PPP2R2C: variants seen among roughly 807,000 people sequenced by gnomAD.
PPP2R2C encodes the protein protein phosphatase 2 regulatory subunit Bgamma.
A neutral mutation model predicts 45.3 loss-of-function variants in PPP2R2C; 10 were observed. The observed-to-expected ratio is 0.22, with a 90% CI of 0.14 to 0.37. PPP2R2C has a LOEUF of 0.37. Ranked by LOEUF, PPP2R2C falls within the 10% of genes least tolerant of loss-of-function variation. PPP2R2C has a pLI of 1.00. For synonymous variants in PPP2R2C, 257 were observed against 245.4 expected, an observed-to-expected ratio of 1.05 and a Z score of -0.44; for missense variants, 308 against 619.7, an observed-to-expected ratio of 0.50 and a Z score of 5.34.
chr4:6,377,670 A>G (rs557738872), intron 3 of PPP2R2C, among the ~76,000 whole-genome samples: 1 of 151,820 alleles, frequency 6.6e-6, no homozygotes, highest in South Asian at 2.1e-4. Flanking sequence ...TCAAAAAAAG[A>G]AAAAAAAGAA....
rs550901970 is a variant in PPP2R2C, at chr4:6,431,439, C to T, written c.70+40721G>A. 8.8e-4 allele frequency among the ~76,000 whole-genome samples: 134 copies of T among 152,342 alleles called. 1 individual carries two copies. Among genetic ancestry groups the T allele is most frequent in the African/African-American group, 3.0e-3 (126 of 41,592 alleles). On this transcript the variant is annotated intron_variant, in intron 1 of 8. Coordinates refer to ENST00000382599, the MANE Select transcript of PPP2R2C (RefSeq NM_020416.4). ...AGGACCCTCCTTGGAGAAAGCTGCTCAGGCTGAGACTACGGTCCCCAGAAG... is the reference window on the plus strand; with the variant it reads ...AGGACCCTCCTTGGAGAAAGCTGCTTAGGCTGAGACTACGGTCCCCAGAAG...
chr4:6,552,658 C>T (rs1467072189), intron 1 of PPP2R2C, among the ~76,000 whole-genome samples: 1 of 152,148 alleles, frequency 6.6e-6, no homozygotes, highest in African/African-American at 2.4e-5. Flanking sequence ...TCCAGGTCAA[C>T]CTCCCCAACT....
Position 6,472,209 on chromosome 4 carries a change from C to G in PPP2R2C, c.21G>C (p.Thr7=), listed in dbSNP as rs980430254. The change falls in exon 1 of 9, where the codon ACG becomes ACC. Residue 7 remains threonine, a synonymous_variant. Coordinates refer to ENST00000382599, the MANE Select transcript of PPP2R2C (RefSeq NM_020416.4). MGEDTD[T]RKINHSFLRD... Reference sequence around the variant, plus strand: ...GCAGGAAGCTGTGGTTAATTTTCCGCGTGTCCGTGTCCTCGCCCATTGAAG... The same window carrying G: ...GCAGGAAGCTGTGGTTAATTTTCCGGGTGTCCGTGTCCTCGCCCATTGAAG... 2 of 1,613,234 alleles carry G rather than the reference C, an allele frequency of 1.2e-6. No individual in the cohort carries two copies. The highest frequency in any genetic ancestry group is 1.7e-6 in the Non-Finnish European group (2 of 1,179,378).
At chr4:6,453,589 G>A (rs993653650) in intron 1 of PPP2R2C, among the ~76,000 whole-genome samples, 9 of 151,886 alleles carry the variant, frequency 5.9e-5, no homozygotes, top group African/African-American at 1.2e-4. Flanking sequence ...GCACCAGTGC[G>A]GGCACGTGGT....
At chr4:6,480,297 T>C (rs888797928) in intron 2 of PPP2R2C, among the ~76,000 whole-genome samples, 3 of 152,214 alleles carry the variant, frequency 2.0e-5, no homozygotes, top group African/African-American at 7.2e-5. Context: ...AGTTTCTTCA[T>C]TGATCTTGCA....
upstream of PPP2R2C, among the ~76,000 whole-genome samples, chr4:6,475,455 G>T (rs1356142255): frequency 2.0e-5 from 3 of 152,044 alleles, no homozygotes; most frequent in African/African-American, 7.2e-5. Flanking sequence ...TGCCAAAAGG[G>T]TACAGCTACA....
At chr4:6,390,327 G>T (rs1716521479) in intron 1 of PPP2R2C, among the ~76,000 whole-genome samples, 2 of 152,160 alleles carry the variant, frequency 1.3e-5, no homozygotes. Context: ...GACTCTGCAG[G>T]AGACAGCTCT....
At chr4:6,518,487 A>C (rs1560598793) in intron 2 of PPP2R2C, among the ~76,000 whole-genome samples, 1 of 152,252 alleles carries the variant, frequency 6.6e-6, no homozygotes, top group Non-Finnish European at 1.5e-5. Context: ...TGCCATGGAC[A>C]TTCAAAGGAT....
chr4:6,496,755 GGAGGCT>G (rs1364924412), intron 2 of PPP2R2C, among the ~76,000 whole-genome samples: 50 of 152,142 alleles, frequency 3.3e-4, no homozygotes, highest in African/African-American at 1.2e-3. Context: ...CAGCTACTTG[GGAGGCT>G]GAGGCATGAG....
chr4:6,361,943 C>T (rs982301414), intron 5 of PPP2R2C, among the ~76,000 whole-genome samples: 4 of 152,068 alleles, frequency 2.6e-5, no homozygotes, highest in Admixed American at 1.3e-4. Flanking sequence ...TGAGATGGTG[C>T]AGAGTCAGGG....
At chr4:6,516,391 C>T (rs2108809936) in intron 2 of PPP2R2C, among the ~76,000 whole-genome samples, 1 of 152,364 alleles carries the variant, frequency 6.6e-6, no homozygotes, top group South Asian at 2.1e-4. Context: ...CGCAGTGCTG[C>T]TTTGCAAGGT....
chr4:6,394,599 G>A (rs1167140117), intron 1 of PPP2R2C, among the ~76,000 whole-genome samples: 1 of 152,236 alleles, frequency 6.6e-6, no homozygotes, highest in Non-Finnish European at 1.5e-5. Context: ...AGTCACCCCT[G>A]CCGCAGGGCT....
In PPP2R2C at chr4:6,405,921, T is replaced by A. The variant is rs1007431837; in HGVS notation, c.71-24827A>T. 4.0e-4 allele frequency among the ~76,000 whole-genome samples: 61 copies of A among 152,210 alleles called. 3 individuals are homozygous for A. On this transcript the variant is annotated intron_variant, in intron 1 of 8. Transcript: ENST00000382599. ...CTTATGGATTTGGCATTTGGCTCGA[T>A]ACTTTGTTTTGTTTCCTGGCAGCAG...
At chr4:6,509,952 A>G (rs1723373185) in intron 2 of PPP2R2C, among the ~76,000 whole-genome samples, 1 of 152,148 alleles carries the variant, frequency 6.6e-6, no homozygotes, top group African/African-American at 2.4e-5. Context: ...CTGATTTGTT[A>G]TTCTTGTCTA....
At chr4:6,502,073 C>T (rs1457705302) in intron 2 of PPP2R2C, among the ~76,000 whole-genome samples, 3 of 152,200 alleles carry the variant, frequency 2.0e-5, no homozygotes, top group Non-Finnish European at 4.4e-5. Flanking sequence ...GCCTGTTCCA[C>T]GCGATCTGGA....
Position 6,378,283 on chromosome 4 carries a change from T to C in PPP2R2C, c.334+124A>G. 1 of 1,534,304 alleles carries C rather than the reference T, an allele frequency of 6.5e-7. No homozygotes were observed. On this transcript the variant is annotated intron_variant, in intron 3 of 8. Coordinates refer to ENST00000382599, the MANE Select transcript of PPP2R2C (RefSeq NM_020416.4). The surrounding 1 kb of genome is among the most constrained non-coding windows in gnomAD (Gnocchi z 5.2). ...GGATTTATATGCTGCTCAAAAAGGA[T>C]ATTATTTTCTAGGCGTTCTGAAGAC...
chr4:6,444,241 G>C (rs1216470984), intron 1 of PPP2R2C, among the ~76,000 whole-genome samples: 2 of 152,060 alleles, frequency 1.3e-5, no homozygotes, highest in Non-Finnish European at 2.9e-5. Flanking sequence ...ATAGAACAAG[G>C]GTCCTTTGAC....
intron 5 of PPP2R2C, chr4:6,349,971 G>C (rs1712392395): frequency 9.1e-6 from 9 of 985,338 alleles, no homozygotes; most frequent in Non-Finnish European, 1.1e-5. Flanking sequence ...TGGCTGATCT[G>C]TGCAGTCAGA....
chr4:6,446,879 T>TA (rs5855913), intron 1 of PPP2R2C, among the ~76,000 whole-genome samples: 51,347 of 141,916 alleles, frequency 0.36, 9,129 homozygotes, highest in Non-Finnish European at 0.4. Context: ...TGTCTGCTTG[T>TA]AAAAAAAAAA....
Sources: gnomAD v4.1 joint callset for allele counts (sites outside exome capture counted in the v4.1 genomes callset) on GRCh38, gnomAD v4.1.1 for gene constraint, Gnocchi (gnomAD v3.1) non-coding constraint, MANE v1.5 for transcripts, NCBI Gene and HGNC (gene_info 2026-07-23, HGNC 2026-07-21) for gene names.